Variants in SUMF1 observed in about 807,000 individuals in gnomAD.
SUMF1 encodes sulfatase modifying factor 1, also known as formylglycine-generating enzyme.
A neutral mutation model predicts 47.6 loss-of-function variants in SUMF1; 48 were observed. The observed-to-expected ratio is 1.01, with a 90% CI of 0.80 to 1.28. SUMF1 has a LOEUF of 1.28. Ranked by LOEUF, SUMF1 falls within the 50% of genes most tolerant of loss-of-function variation. The pLI is 0.00. For missense variants in SUMF1, 571 were observed against 485.4 expected (o/e 1.18, Z -1.66); for synonymous variants, 230 against 192.1 (o/e 1.20, Z -1.63).
intron 8 of SUMF1, among the ~76,000 whole-genome samples, chr3:4,104,242 T>A (rs866831082): frequency 6.6e-6 from 1 of 152,120 alleles, no homozygotes; most frequent in Non-Finnish European, 1.5e-5. Flanking sequence ...TTTCCCCTTA[T>A]GCTTGACTCT....
intron 7 of SUMF1, among the ~76,000 whole-genome samples, chr3:4,405,542 A>T (rs139564776): frequency 6.6e-6 from 1 of 152,156 alleles, no homozygotes; most frequent in Non-Finnish European, 1.5e-5. Context: ...ATGTGCCACC[A>T]TGCCCAGCTA....
intron 8 of SUMF1, among the ~76,000 whole-genome samples, chr3:4,270,629 G>A (rs185133389): frequency 4.7e-4 from 72 of 152,248 alleles, no homozygotes; most frequent in Non-Finnish European, 4.7e-4. Flanking sequence ...GAAGAAGGTC[G>A]TCAAAAAATA....
intron 8 of SUMF1, among the ~76,000 whole-genome samples, chr3:4,264,978 A>G (rs1362171189): frequency 6.6e-6 from 1 of 151,996 alleles, no homozygotes; most frequent in Non-Finnish European, 1.5e-5. Context: ...TACTAAAAAT[A>G]CAAAATTAGC....
chr3:4,291,113 G>A (rs1386844411), intron 8 of SUMF1, among the ~76,000 whole-genome samples: 3 of 152,082 alleles, frequency 2.0e-5, no homozygotes, highest in Admixed American at 6.6e-5. Flanking sequence ...GTATGTGTCC[G>A]CCAAATATTA....
intron 8 of SUMF1, among the ~76,000 whole-genome samples, chr3:4,344,662 C>T (rs889084385): frequency 7.9e-5 from 12 of 152,154 alleles, no homozygotes; most frequent in Middle Eastern, 6.8e-3. Flanking sequence ...CCATCAAGGG[C>T]GCAGAACTGA....
chr3:4,298,145 T>C (rs1243202805), intron 8 of SUMF1, among the ~76,000 whole-genome samples: 3 of 152,228 alleles, frequency 2.0e-5, no homozygotes, highest in Non-Finnish European at 4.4e-5. Flanking sequence ...AACCTGTTTA[T>C]GGAAATCTAT....
At chr3:4,350,538 G>T (rs147342357) in intron 8 of SUMF1, among the ~76,000 whole-genome samples, 1 of 152,176 alleles carries the variant, frequency 6.6e-6, no homozygotes, top group African/African-American at 2.4e-5. Context: ...AGAATGAGGA[G>T]CTTCTATACA....
intron 8 of SUMF1, among the ~76,000 whole-genome samples, chr3:4,220,455 C>G (rs1696036499): frequency 6.6e-6 from 1 of 152,100 alleles, no homozygotes; most frequent in African/African-American, 2.4e-5. Context: ...GCATTGCTTT[C>G]CAGGTCATTC....
At chr3:4,095,172 A>C (rs972093257) in intron 8 of SUMF1, among the ~76,000 whole-genome samples, 1 of 152,110 alleles carries the variant, frequency 6.6e-6, no homozygotes, top group Non-Finnish European at 1.5e-5. Flanking sequence ...AGGAATAATG[A>C]AATTTTTAAA....
chr3:4,291,955 T>C (rs1036335116), intron 8 of SUMF1, among the ~76,000 whole-genome samples: 1 of 152,176 alleles, frequency 6.6e-6, no homozygotes, highest in African/African-American at 2.4e-5. Context: ...AATGCTAACA[T>C]GGTGTTTTAG....
intron 8 of SUMF1, among the ~76,000 whole-genome samples, chr3:4,251,174 A>C (rs1309623374): frequency 6.6e-6 from 1 of 152,210 alleles, no homozygotes; most frequent in East Asian, 1.9e-4. Context: ...GTTTGGAAAA[A>C]GCTGATTCCA....
intron 3 of SUMF1, among the ~76,000 whole-genome samples, chr3:4,426,692 GC>G (rs1378505551): frequency 1.3e-5 from 2 of 152,220 alleles, no homozygotes; most frequent in Non-Finnish European, 2.9e-5. Flanking sequence ...AGCAGAAGCA[GC>G]AGCATGAGTG....
At chr3:4,188,324 A>G (rs542712567) in intron 8 of SUMF1, among the ~76,000 whole-genome samples, 5 of 152,092 alleles carry the variant, frequency 3.3e-5, no homozygotes, top group Admixed American at 1.3e-4. Context: ...TACAGGAGGC[A>G]GGGTTCACTC....
Position 4,456,705 on chromosome 3 carries a change from C to A in SUMF1, c.271-3656G>T, listed in dbSNP as rs1422198156. ...ATATATATGTGTGTATATATATATA[C>A]GTATATATATACATATATATACGTG... On this transcript the variant is annotated intron_variant, in intron 1 of 8. Transcript: ENST00000272902. 3.0e-5 allele frequency among the ~76,000 whole-genome samples: 3 copies of A among 101,206 alleles called. 1 individual carries two copies. The highest frequency in any genetic ancestry group is 5.8e-5 in the Non-Finnish European group (3 of 52,052). The allele number at this position is 101,206 out of a possible 152,430, so 66.4% of individuals were successfully genotyped here.
intron 9 of SUMF1, among the ~76,000 whole-genome samples, chr3:4,063,261 C>T (rs1419100992): frequency 6.6e-6 from 1 of 152,012 alleles, no homozygotes; most frequent in Non-Finnish European, 1.5e-5. Flanking sequence ...AGATTTACAA[C>T]CCAGACCACT....
chr3:4,376,661 C>T (rs557456167), intron 7 of SUMF1, among the ~76,000 whole-genome samples: 1 of 152,238 alleles, frequency 6.6e-6, no homozygotes, highest in Non-Finnish European at 1.5e-5. Context: ...TAAGTCCCTA[C>T]AGCATTTCTT....
chr3:4,409,743 C>T (rs143321437), intron 7 of SUMF1, among the ~76,000 whole-genome samples: 68 of 152,274 alleles, frequency 4.5e-4, no homozygotes, highest in African/African-American at 1.3e-3. Context: ...GGAGGGATGA[C>T]GGCTTCTAAA....
At chr3:4,133,649 T>A (rs1465784690) in intron 8 of SUMF1, among the ~76,000 whole-genome samples, 1 of 152,096 alleles carries the variant, frequency 6.6e-6, no homozygotes, top group Non-Finnish European at 1.5e-5. Context: ...TCACCCTACA[T>A]CTTTCTCCCG....
intron 3 of SUMF1, among the ~76,000 whole-genome samples, chr3:4,445,030 T>C (rs867362683): frequency 6.6e-6 from 1 of 152,264 alleles, no homozygotes; most frequent in East Asian, 1.9e-4. Flanking sequence ...AAGCTGGGGA[T>C]GGGAATCGGT....
Sources: allele counts gnomAD v4.1 joint callset (sites outside exome capture counted in the v4.1 genomes callset), GRCh38; gene constraint gnomAD v4.1.1; transcripts MANE v1.5; gene names NCBI Gene and HGNC (gene_info 2026-07-23, HGNC 2026-07-21).